Variants in ASCC3 observed in about 807,000 individuals in gnomAD.
ASCC3 encodes activating signal cointegrator 1 complex subunit 3.
ASCC3 carries 158 observed loss-of-function variants against 256.3 expected under a neutral mutation model. The ratio of observed to expected loss-of-function variants is 0.62; its 90% CI spans 0.54 to 0.70. ASCC3 has a LOEUF of 0.70. Ranked by LOEUF, ASCC3 falls within the 30% of genes least tolerant of loss-of-function variation. ASCC3 has a pLI of 0.00. For synonymous variants in ASCC3, 948 were observed against 883.4 expected, an observed-to-expected ratio of 1.07 and a Z score of -1.30; for missense variants, 2,259 against 2,626.0, an observed-to-expected ratio of 0.86 and a Z score of 3.05.
At chr6:100,795,808 A>G (rs572487797) in intron 8 of ASCC3, among the ~76,000 whole-genome samples, 1 of 152,230 alleles carries the variant, frequency 6.6e-6, no homozygotes, top group East Asian at 1.9e-4. Context: ...TCAGTGAAAA[A>G]CGACAGACCT....
intron 10 of ASCC3, among the ~76,000 whole-genome samples, chr6:100,741,643 C>CT (rs1780440917): frequency 6.6e-6 from 1 of 152,152 alleles, no homozygotes; most frequent in Admixed American, 6.5e-5. Context: ...TCTTCAAGCT[C>CT]TGAGATGATT....
chr6:100,583,114 G>T (rs1394052478), intron 36 of ASCC3, among the ~76,000 whole-genome samples: 1 of 152,154 alleles, frequency 6.6e-6, no homozygotes, highest in Non-Finnish European at 1.5e-5. Context: ...ATGAGTTAGG[G>T]AGGATTCCCT....
Position 100,516,284 on chromosome 6 carries a change from T to C in ASCC3, c.5971A>G (p.Thr1991Ala). 1 of 1,613,736 alleles carries C rather than the reference T, an allele frequency of 6.2e-7. No individual in the cohort carries two copies. The highest frequency in any genetic ancestry group is 8.5e-7 in the Non-Finnish European group (1 of 1,179,726). The change falls in exon 39 of 42, where the codon ACC (threonine) becomes GCC (alanine). Residue 1991 changes from threonine (T) to alanine (A), a missense_variant. By Grantham distance (58) the Thr-to-Ala change is moderately conservative. Coordinates refer to ENST00000369162, the MANE Select transcript of ASCC3 (RefSeq NM_006828.4). ...IMKGPHARGR[T>A]SIESLPELIH... ...AGTTCAGGAAGGGACTCGATGGAGG[T>C]CCGACCCCTAGCATGTGGGCCCTTC... is the stretch of plus-strand genomic sequence containing the variant.
intron 13 of ASCC3, among the ~76,000 whole-genome samples, chr6:100,713,717 C>T (rs76180675): frequency 0.018 from 2,738 of 152,196 alleles, 35 homozygotes; most frequent in Non-Finnish European, 0.029. Context: ...CTTAAAAAAA[C>T]TGTATTTTTA....
chr6:100,804,200 G>A (rs976354188), intron 5 of ASCC3, among the ~76,000 whole-genome samples: 5 of 152,044 alleles, frequency 3.3e-5, no homozygotes, highest in African/African-American at 1.2e-4. Flanking sequence ...ATGATGTCTA[G>A]AACTTCCTGT....
At chr6:100,516,479 A>G in intron 38 of ASCC3, 152 bp from the exon 39 acceptor site, 2 of 941,124 alleles carry the variant, frequency 2.1e-6, no homozygotes, top group Non-Finnish European at 3.2e-6. Flanking sequence ...TTCAGCCAGC[A>G]TTCTGTATAG....
intron 3 of ASCC3, chr6:100,856,643 C>T (rs1772956841): frequency 6.3e-6 from 1 of 159,766 alleles, no homozygotes; most frequent in Admixed American, 6.6e-5. Flanking sequence ...TCACTACCTC[C>T]TTCCTCAAAA....
At chr6:100,667,683 C>G (rs377261857) in intron 14 of ASCC3, among the ~76,000 whole-genome samples, 1 of 152,018 alleles carries the variant, frequency 6.6e-6, no homozygotes, top group South Asian at 2.1e-4. Context: ...AGAATTGTTT[C>G]AAGCTAATCC....
intron 10 of ASCC3, among the ~76,000 whole-genome samples, chr6:100,764,928 T>A (rs1317983273): frequency 2.0e-5 from 3 of 152,110 alleles, no homozygotes; most frequent in Admixed American, 1.3e-4. Context: ...GTTGTTAAGA[T>A]GAGATCATCC....
intron 14 of ASCC3, among the ~76,000 whole-genome samples, chr6:100,677,775 A>G (rs929939896): frequency 6.6e-6 from 1 of 152,004 alleles, no homozygotes; most frequent in Non-Finnish European, 1.5e-5. Context: ...AAAAAGTCTA[A>G]TAATAGTTGG....
intron 36 of ASCC3, among the ~76,000 whole-genome samples, chr6:100,580,164 G>T (rs79778809): frequency 1.3e-5 from 2 of 151,956 alleles, no homozygotes; most frequent in Non-Finnish European, 2.9e-5. Flanking sequence ...ACTGATTTGC[G>T]TACACTAATT....
Position 100,712,977 on chromosome 6 carries a change from C to T in ASCC3, c.2151+2485G>A, listed in dbSNP as rs372222786. Among the ~76,000 whole-genome samples, 7 of 152,054 alleles carry T rather than the reference C, an allele frequency of 4.6e-5. No homozygotes were observed. In the South Asian group the frequency reaches 1.5e-3, roughly 32 times the overall value. ...GTTTCACCGTGTTAGCCAGGATGGT[C>T]TCCATCTCCTGACCTCGTGATCCAC... On this transcript the variant is annotated intron_variant, in intron 13 of 41. Transcript: ENST00000369162.
In ASCC3 at chr6:100,628,470, T is replaced by C. The variant is rs549628496; in HGVS notation, c.4376-483A>G. On this transcript the variant is annotated intron_variant, in intron 27 of 41. Coordinates refer to ENST00000369162, the MANE Select transcript of ASCC3 (RefSeq NM_006828.4). Reference sequence around the variant, plus strand: ...GGCCTGGTAGGAGGTGATAGGATCATGGGGGCTGTTTCTCCTAAATGGCTT... The same window carrying C: ...GGCCTGGTAGGAGGTGATAGGATCACGGGGGCTGTTTCTCCTAAATGGCTT... Among the ~76,000 whole-genome samples the C allele has an allele frequency of 6.6e-5, 10 of 152,264 alleles. No individual in the cohort carries two copies. In the East Asian group the frequency reaches 1.9e-3, roughly 29 times the overall value.
At position 100,516,124 on chromosome 6, in the gene ASCC3, T is replaced by C. The variant is rs143651402; in HGVS notation, c.6075+56A>G. ...ATCCATGCTCTAAGTTAGAAAACTC[T>C]TGGTACACCTTCTCAGAGTAGGGGA... On this transcript the variant is annotated intron_variant, in intron 39 of 41. Coordinates refer to ENST00000369162, the MANE Select transcript of ASCC3 (RefSeq NM_006828.4). 7.3e-4 allele frequency: 1,170 copies of C among 1,611,030 alleles called. 11 individuals are homozygous for C. The African/African-American group carries it at 0.014, about 20-fold the overall frequency.
At chr6:100,529,392 G>A (rs1018921263) in intron 37 of ASCC3, among the ~76,000 whole-genome samples, 2 of 152,040 alleles carry the variant, frequency 1.3e-5, no homozygotes, top group East Asian at 3.8e-4. Context: ...AGATGCATAA[G>A]CAGTTGATAC....
intron 30 of ASCC3, among the ~76,000 whole-genome samples, chr6:100,615,549 AT>A (rs1471321164): frequency 6.6e-6 from 1 of 152,178 alleles, no homozygotes; most frequent in Non-Finnish European, 1.5e-5. Context: ...CCCTTTGAGA[AT>A]TCATGATAAA....
intron 34 of ASCC3, among the ~76,000 whole-genome samples, chr6:100,600,411 A>G (rs1322177635): frequency 2.0e-5 from 3 of 152,062 alleles, no homozygotes. Flanking sequence ...CTAATCCTGT[A>G]ATGTGTTTGT....
chr6:100,736,616 G>A (rs1009354092), intron 10 of ASCC3, among the ~76,000 whole-genome samples: 1 of 152,136 alleles, frequency 6.6e-6, no homozygotes. Flanking sequence ...AACTCTAAAT[G>A]TGTATAAAAG....
chr6:100,754,752 T>C (rs1781095930), intron 10 of ASCC3, among the ~76,000 whole-genome samples: 1 of 152,204 alleles, frequency 6.6e-6, no homozygotes, highest in Admixed American at 6.5e-5. Context: ...TCTTGAATTG[T>C]AGCTCTCATA....
Sources: gnomAD v4.1 joint callset for allele counts (sites outside exome capture counted in the v4.1 genomes callset) on GRCh38, gnomAD v4.1.1 for gene constraint, MANE v1.5 for transcripts, NCBI Gene and HGNC (gene_info 2026-07-23, HGNC 2026-07-21) for gene names.